Variants in POLA1 observed in about 807,000 individuals in gnomAD.
POLA1 encodes DNA polymerase alpha catalytic subunit.
In POLA1, 15 loss-of-function variants were observed where a neutral mutation model predicts 124.0. That is an observed-to-expected ratio of 0.12 (90% CI 0.08 to 0.19). POLA1 has a LOEUF of 0.19. POLA1 is among the 10% of genes least tolerant of loss of function. POLA1 has a pLI of 1.00. For missense variants in POLA1, 886 were observed against 1,103.4 expected (o/e 0.80, Z 2.79); for synonymous variants, 408 against 389.4 (o/e 1.05, Z -0.56).
rs772769256 is a variant in POLA1, at chrX:24,789,090, G to A, written c.2965-20808G>A. On this transcript the variant is annotated intron_variant, in intron 26 of 36. Coordinates refer to ENST00000379068, the MANE Select transcript of POLA1 (RefSeq NM_001330360.2). ...CCCATGGTGTCGGCTGTATCCGAGA[G>A]CTGGGGAGCAGCAGAAAGAGCCCAC... 6.7e-6 allele frequency: 8 copies of A among 1,193,014 alleles called. No individual in the cohort carries two copies. The Admixed American group carries it at 1.3e-4, about 20-fold the overall frequency.
chrX:24,732,539 T>A, intron 16 of POLA1, 85 bp downstream of exon 16: 2 of 594,127 alleles, frequency 3.4e-6, no homozygotes, highest in Non-Finnish European at 2.8e-6. Flanking sequence ...CAGTAACTTG[T>A]TTTTCAAAAA....
intron 36 of POLA1, among the ~76,000 whole-genome samples, chrX:24,977,488 C>T (rs1306440201): frequency 9.0e-6 from 1 of 111,428 alleles, no homozygotes; most frequent in African/African-American, 3.3e-5. Flanking sequence ...ATTTCCTTTG[C>T]ACCCAGTGCA....
chrX:24,806,877 G>A (rs2045810325), intron 26 of POLA1, among the ~76,000 whole-genome samples: 1 of 111,855 alleles, frequency 8.9e-6, no homozygotes, highest in South Asian at 3.8e-4. Flanking sequence ...TATTTATACA[G>A]TGGGGTACTA....
At chrX:24,857,953 G>C (rs1252855050) in intron 34 of POLA1, among the ~76,000 whole-genome samples, 1 of 111,580 alleles carries the variant, frequency 9.0e-6, no homozygotes, top group East Asian at 2.8e-4. Context: ...CCACTGAATA[G>C]TTAACATGTA....
At position 24,725,731 on chromosome X, in the gene POLA1, T is replaced by C. The variant is rs761626810; in HGVS notation, c.1318-250T>C. ...TTAATGCATTAACATTGTAAAAAAT[T>C]TTAAATTTTTATTGCCCCTCTTGCA... On this transcript the variant is annotated intron_variant, in intron 12 of 36. Coordinates refer to ENST00000379068, the MANE Select transcript of POLA1 (RefSeq NM_001330360.2). Among the ~76,000 whole-genome samples, 4 of 112,070 alleles carry C rather than the reference T, an allele frequency of 3.6e-5. No individual in the cohort carries two copies. In the East Asian group the frequency reaches 1.1e-3, roughly 31 times the overall value.
chrX:24,703,804 T>A (rs1212284725), intron 3 of POLA1, among the ~76,000 whole-genome samples: 1 of 111,475 alleles, frequency 9.0e-6, no homozygotes, highest in Admixed American at 9.5e-5. Flanking sequence ...AGTTGTGAGG[T>A]GTATATGAGG....
At chrX:24,883,901 G>A (rs2047033396) in intron 34 of POLA1, among the ~76,000 whole-genome samples, 1 of 111,309 alleles carries the variant, frequency 9.0e-6, no homozygotes, top group Non-Finnish European at 1.9e-5. Context: ...TATTAAAAAT[G>A]TTCTCTTCTG....
At chrX:24,817,488 A>C (rs1008284536) in intron 30 of POLA1, among the ~76,000 whole-genome samples, 2 of 108,132 alleles carry the variant, frequency 1.8e-5, no homozygotes, top group African/African-American at 6.8e-5. Flanking sequence ...GGCGCCTGTA[A>C]TCCCAGCTAC....
chrX:24,727,104 A>G (rs374938581), intron 14 of POLA1, 33 bp downstream of exon 14: 34 of 1,130,484 alleles, frequency 3.0e-5, no homozygotes, highest in Non-Finnish European at 3.6e-5. Flanking sequence ...AATGCTGAAT[A>G]GATTGCTGAT....
intron 36 of POLA1, among the ~76,000 whole-genome samples, chrX:24,944,711 A>G (rs1357826429): frequency 1.8e-5 from 2 of 111,877 alleles, no homozygotes; most frequent in African/African-American, 6.5e-5. Flanking sequence ...GAGGAATAGA[A>G]ATGAAGGGAT....
chrX:24,782,020 G>A (rs940592989), intron 26 of POLA1, among the ~76,000 whole-genome samples: 1 of 111,622 alleles, frequency 9.0e-6, no homozygotes, highest in African/African-American at 3.3e-5. Flanking sequence ...GAGGTTCAGT[G>A]GTGAATGAGG....
At chrX:24,825,310 C>T (rs938888628) in intron 31 of POLA1, among the ~76,000 whole-genome samples, 1 of 112,137 alleles carries the variant, frequency 8.9e-6, no homozygotes, top group Non-Finnish European at 1.9e-5. Flanking sequence ...GGTTGATAAA[C>T]AGGCCCAGGT....
At chrX:24,791,890 A>G (rs1315707818) in intron 26 of POLA1, among the ~76,000 whole-genome samples, 1 of 111,911 alleles carries the variant, frequency 8.9e-6, no homozygotes, top group African/African-American at 3.2e-5. Flanking sequence ...ATTTCATCCT[A>G]ATTTGGTATT....
chrX:24,829,414 T>C (rs1446719126), intron 32 of POLA1, among the ~76,000 whole-genome samples: 1 of 111,570 alleles, frequency 9.0e-6, no homozygotes, highest in Non-Finnish European at 1.9e-5. Flanking sequence ...TGTCCTCTTC[T>C]CTCATCCTAC....
intron 26 of POLA1, among the ~76,000 whole-genome samples, chrX:24,797,004 A>G (rs962181862): frequency 6.3e-5 from 7 of 111,823 alleles, no homozygotes; most frequent in African/African-American, 1.6e-4. Context: ...TGTAGATTGC[A>G]CTTGCTAAAT....
At chrX:24,782,342 A>T (rs2045282849) in intron 26 of POLA1, among the ~76,000 whole-genome samples, 1 of 111,815 alleles carries the variant, frequency 8.9e-6, no homozygotes, top group Non-Finnish European at 1.9e-5. Flanking sequence ...AGTGCTGAGC[A>T]GTAAAGCTTG....
At chrX:24,903,796 C>G (rs1167500292) in intron 35 of POLA1, among the ~76,000 whole-genome samples, 1 of 111,047 alleles carries the variant, frequency 9.0e-6, no homozygotes, top group African/African-American at 3.3e-5. Context: ...AAGAATAGTT[C>G]TTATTGTCTC....
At chrX:24,934,787 A>G (rs1045356259) in intron 36 of POLA1, among the ~76,000 whole-genome samples, 26 of 111,763 alleles carry the variant, frequency 2.3e-4, no homozygotes, top group African/African-American at 8.2e-4. Flanking sequence ...CAGTGGTGCG[A>G]TCTTGGCTCA....
chrX:24,716,969 C>G lies in POLA1; in HGVS notation c.704C>G (p.Ala235Gly). ...GTTCCTCTTAAACGTGCTGAATTTG[C>G]TGGTAAGTGTGATGTCAGGCAGAAT... is the stretch of plus-strand genomic sequence containing the variant. ...TPVPLKRAEFAGDDVQVESTE... is the reference protein window; with the variant it reads ...TPVPLKRAEFGGDDVQVESTE... Residue 235 changes from alanine (A) to glycine (G), a missense_variant and splice_region_variant, in exon 8 of 37, where the codon GCT becomes GGT. Physicochemically the swap from Ala to Gly is moderately conservative, Grantham distance 60. Coordinates refer to ENST00000379068, the MANE Select transcript of POLA1 (RefSeq NM_001330360.2). 8.6e-7 allele frequency: 1 copy of G among 1,156,134 alleles called. No individual in the cohort carries two copies. Among genetic ancestry groups the G allele is most frequent in the Non-Finnish European group, 1.2e-6 (1 of 848,126 alleles).
Sources: allele counts gnomAD v4.1 joint callset (sites outside exome capture counted in the v4.1 genomes callset), GRCh38; gene constraint gnomAD v4.1.1; transcripts MANE v1.5; gene names NCBI Gene and HGNC (gene_info 2026-07-23, HGNC 2026-07-21).